Variants in CADPS observed in about 807,000 individuals in gnomAD.
CADPS encodes calcium-dependent secretion activator 1.
A neutral mutation model predicts 167.3 loss-of-function variants in CADPS; 57 were observed. The ratio of observed to expected loss-of-function variants is 0.34; its 90% confidence interval spans 0.28 to 0.42. The LOEUF is 0.42. Ranked by LOEUF, CADPS falls within the 20% of genes least tolerant of loss-of-function variation. The pLI is 1.00. For synonymous variants in CADPS, 676 were observed against 635.3 expected (o/e 1.06, Z -0.96); for missense variants, 1,414 against 1,738.1 (o/e 0.81, Z 3.32).
At chr3:62,626,405 A>G in intron 6 of CADPS, 1 of 654,190 alleles carries the variant, frequency 1.5e-6, no homozygotes, top group Non-Finnish European at 2.8e-6. Flanking sequence ...ATGAGTGTAA[A>G]CCAGGGAAAT....
Position 62,429,152 on chromosome 3 carries a change from C to T in CADPS, c.3777+8952G>A, listed in dbSNP as rs1003201562. On this transcript the variant is annotated intron_variant, in intron 28 of 29. Coordinates refer to ENST00000383710, the MANE Select transcript of CADPS (RefSeq NM_003716.4). The stretch of plus-strand genomic sequence containing the variant: ...TGTTTCGTGTGTGTGTACACGCACA[C>T]TGGGTTGCAATGTAAAATTTCTTTC... Among the ~76,000 whole-genome samples, 4 of 152,010 alleles carry T rather than the reference C, an allele frequency of 2.6e-5. No individual in the cohort carries two copies. In the East Asian group the frequency reaches 5.8e-4, roughly 22 times the overall value.
chr3:62,823,944 T>G (rs1222089730), intron 1 of CADPS, among the ~76,000 whole-genome samples: 1 of 152,156 alleles, frequency 6.6e-6, no homozygotes, highest in Non-Finnish European at 1.5e-5. Context: ...GCCCATGTTT[T>G]TCTGCCACGG....
intron 4 of CADPS, among the ~76,000 whole-genome samples, chr3:62,657,673 T>C (rs9841956): frequency 0.73 from 110,597 of 152,082 alleles, 41,129 homozygotes; most frequent in Middle Eastern, 0.82. Flanking sequence ...ATGTTCACAG[T>C]GAGACCATCT....
intron 23 of CADPS, among the ~76,000 whole-genome samples, chr3:62,475,599 A>AC (rs1471544258): frequency 2.7e-5 from 4 of 147,348 alleles, no homozygotes; most frequent in South Asian, 2.1e-4. Context: ...AAAAAAAAAA[A>AC]AAAAAAAAAA....
intron 3 of CADPS, among the ~76,000 whole-genome samples, chr3:62,697,765 T>C (rs1257533289): frequency 1.3e-5 from 2 of 152,094 alleles, no homozygotes; most frequent in East Asian, 1.9e-4. Context: ...CATGCCAACA[T>C]CTATTTTTTT....
chr3:62,836,778 G>T (rs982076068), intron 1 of CADPS, among the ~76,000 whole-genome samples: 1 of 152,140 alleles, frequency 6.6e-6, no homozygotes, highest in Non-Finnish European at 1.5e-5. Context: ...ATAAGATTGG[G>T]CTTTGAGACC....
Position 62,517,708 on chromosome 3 carries a change from G to C in CADPS, c.2393+441C>G, listed in dbSNP as rs181231045. ...TGCAGGGGAGATTCAATCCACCCAGGCTGATGCAAGGTTCATTCTTTCCCT... is the reference window on the plus strand; with the variant it reads ...TGCAGGGGAGATTCAATCCACCCAGCCTGATGCAAGGTTCATTCTTTCCCT... On this transcript the variant is annotated intron_variant, in intron 14 of 29. Transcript: ENST00000383710. 2.0e-3 allele frequency among the ~76,000 whole-genome samples: 303 copies of C among 152,240 alleles called. 2 individuals are homozygous for C. The Middle Eastern group carries it at 0.034, about 17-fold the overall frequency.
At chr3:62,640,967 C>T (rs913929103) in intron 6 of CADPS, among the ~76,000 whole-genome samples, 1 of 151,922 alleles carries the variant, frequency 6.6e-6, no homozygotes, top group African/African-American at 2.4e-5. Flanking sequence ...CTTTATTTGC[C>T]TACCATCTTC....
intron 8 of CADPS, among the ~76,000 whole-genome samples, chr3:62,581,182 G>T: frequency 6.6e-6 from 1 of 152,114 alleles, no homozygotes; most frequent in East Asian, 1.9e-4. Flanking sequence ...TTGTAGAGCT[G>T]TTGTAAGAAT....
At chr3:62,431,791 C>A (rs1157514707) in intron 28 of CADPS, among the ~76,000 whole-genome samples, 1 of 151,412 alleles carries the variant, frequency 6.6e-6, no homozygotes, top group African/African-American at 2.4e-5. Flanking sequence ...AATTTACTGG[C>A]ATGGGAAATA....
intron 3 of CADPS, among the ~76,000 whole-genome samples, chr3:62,676,038 A>T (rs1223152150): frequency 6.6e-6 from 1 of 152,178 alleles, no homozygotes; most frequent in Non-Finnish European, 1.5e-5. Context: ...AAAGGAACTT[A>T]CTTTCACAAA....
intron 1 of CADPS, among the ~76,000 whole-genome samples, chr3:62,811,921 T>G (rs2094411417): frequency 6.6e-6 from 1 of 152,204 alleles, no homozygotes; most frequent in African/African-American, 2.4e-5. Flanking sequence ...TAAGACTGCT[T>G]TTATCTACCT....
At chr3:62,541,525 G>A (rs2075695127) in intron 11 of CADPS, among the ~76,000 whole-genome samples, 1 of 152,122 alleles carries the variant, frequency 6.6e-6, no homozygotes, top group Non-Finnish European at 1.5e-5. Flanking sequence ...TGAACATACA[G>A]ACTTACGGAG....
intron 28 of CADPS, among the ~76,000 whole-genome samples, chr3:62,405,212 G>T (rs1246772503): frequency 6.6e-6 from 1 of 151,558 alleles, no homozygotes; most frequent in Non-Finnish European, 1.5e-5. Context: ...TCCTGGGATT[G>T]GAAGATGACC....
chr3:62,678,428 C>T (rs1397563379), intron 3 of CADPS, among the ~76,000 whole-genome samples: 1 of 152,020 alleles, frequency 6.6e-6, no homozygotes, highest in Non-Finnish European at 1.5e-5. Flanking sequence ...TTTAGGTTTG[C>T]TAATGTCACT....
chr3:62,626,425 A>G, intron 6 of CADPS: 2 of 690,950 alleles, frequency 2.9e-6, no homozygotes, highest in Admixed American at 2.1e-5. Context: ...TACACAGACT[A>G]TAGTGAAATT....
chr3:62,400,589 CTTTTTTTTTTTCTTTT>C (rs1705582271), intron 29 of CADPS, among the ~76,000 whole-genome samples: 1 of 73,630 alleles, frequency 1.4e-5, no homozygotes, highest in Admixed American at 1.6e-4. Context: ...ATCATTCTTT[CTTTTTTTTTTTCTTTT>C]TTTTTTTTTT....
chr3:62,575,419 C>T (rs983864319), intron 8 of CADPS, among the ~76,000 whole-genome samples: 3 of 152,128 alleles, frequency 2.0e-5, no homozygotes, highest in Admixed American at 2.0e-4. Flanking sequence ...CTAGAGTTAT[C>T]TCTACTTCAG....
intron 6 of CADPS, among the ~76,000 whole-genome samples, chr3:62,639,529 C>T (rs2066993756): frequency 6.6e-6 from 1 of 152,122 alleles, no homozygotes; most frequent in African/African-American, 2.4e-5. Flanking sequence ...CATGGGTGCA[C>T]AACTTCAAAG....
Sources: gnomAD v4.1 joint callset for allele counts (sites outside exome capture counted in the v4.1 genomes callset) on GRCh38, gnomAD v4.1.1 for gene constraint, MANE v1.5 for transcripts, NCBI Gene and HGNC (gene_info 2026-07-23, HGNC 2026-07-21) for gene names.